SPAG16: variants seen among roughly 807,000 people sequenced by gnomAD.
SPAG16 encodes the protein sperm associated antigen 16.
SPAG16 carries 86 observed loss-of-function variants against 80.4 expected under a neutral mutation model. The ratio of observed to expected loss-of-function variants is 1.07; its 90% CI spans 0.90 to 1.28. The LOEUF (loss-of-function observed/expected upper bound fraction) is 1.28, where lower values mean the gene tolerates loss of function less well. Ranked by LOEUF, SPAG16 falls within the 50% of genes most tolerant of loss-of-function variation. The probability of loss-of-function intolerance (pLI) is 0.00; values close to 1 mark genes in which losing one functional copy is unlikely to be tolerated. For synonymous variants in SPAG16, 294 were observed against 265.9 expected (o/e 1.11, Z -1.03); for missense variants, 870 against 765.3 (o/e 1.14, Z -1.61).
intron 13 of SPAG16, among the ~76,000 whole-genome samples, chr2:214,023,526 T>C (rs577128467): frequency 6.6e-6 from 1 of 151,948 alleles, no homozygotes; most frequent in East Asian, 1.9e-4. Context: ...GGTTTTAAGT[T>C]ATTACAGACT....
At chr2:213,692,920 T>G (rs2065007189) in intron 10 of SPAG16, among the ~76,000 whole-genome samples, 2 of 152,202 alleles carry the variant, frequency 1.3e-5, no homozygotes, top group African/African-American at 4.8e-5. Flanking sequence ...AAAAATACAT[T>G]TTAAGAATGT....
intron 10 of SPAG16, among the ~76,000 whole-genome samples, chr2:213,778,057 T>G (rs2069713813): frequency 6.6e-6 from 1 of 152,152 alleles, no homozygotes; most frequent in African/African-American, 2.4e-5. Context: ...AAATACTGTA[T>G]GTATAAGCTG....
intron 2 of SPAG16, chr2:213,296,877 T>C (rs1388023191): frequency 2.4e-5 from 8 of 337,546 alleles, no homozygotes; most frequent in Non-Finnish European, 4.4e-5. Flanking sequence ...GTGAGTTTTA[T>C]TTTTTAATAA....
chr2:214,062,287 G>A (rs1185672966), intron 13 of SPAG16, among the ~76,000 whole-genome samples: 2 of 151,674 alleles, frequency 1.3e-5, no homozygotes, highest in Non-Finnish European at 2.9e-5. Flanking sequence ...AGGTGTGGTG[G>A]CACATGCCTT....
chr2:213,717,686 T>A (rs963553773), intron 10 of SPAG16, among the ~76,000 whole-genome samples: 2 of 152,122 alleles, frequency 1.3e-5, no homozygotes, highest in Non-Finnish European at 2.9e-5. Flanking sequence ...ATGTTAGACA[T>A]CTTACATCCA....
chr2:213,522,391 T>C (rs574714177), intron 10 of SPAG16, among the ~76,000 whole-genome samples: 1 of 152,320 alleles, frequency 6.6e-6, no homozygotes, highest in South Asian at 2.1e-4. Context: ...ACCTAATTTC[T>C]AGAGGCAATC....
rs995574713 is a variant in SPAG16, at chr2:213,828,161, C to T, written c.1071-34324C>T. Among the ~76,000 whole-genome samples, 79 of 152,038 alleles carry T rather than the reference C, an allele frequency of 5.2e-4. 1 individual carries two copies. The highest frequency in any genetic ancestry group is 1.8e-3 in the African/African-American group (74 of 41,486). On this transcript the variant is annotated intron_variant, in intron 10 of 15. Coordinates refer to ENST00000331683, the MANE Select transcript of SPAG16 (RefSeq NM_024532.5). ...TTTAAAGCCAGTGACTTAGATTTGC[C>T]CTTTTGAGCCTATTTTCTAGGTCTT...
intron 10 of SPAG16, chr2:213,758,272 T>G (rs1281438273): frequency 6.6e-6 from 1 of 152,622 alleles, no homozygotes; most frequent in Non-Finnish European, 1.5e-5. Context: ...GAGAATCTAA[T>G]TTTTAGAGTT....
At chr2:213,785,368 T>C (rs2070272242) in intron 10 of SPAG16, among the ~76,000 whole-genome samples, 1 of 152,212 alleles carries the variant, frequency 6.6e-6, no homozygotes, top group African/African-American at 2.4e-5. Flanking sequence ...AGGATGATCT[T>C]AAAACTTTGA....
chr2:213,368,747 C>T (rs2066466212), intron 8 of SPAG16, among the ~76,000 whole-genome samples: 2 of 152,114 alleles, frequency 1.3e-5, no homozygotes, highest in African/African-American at 4.8e-5. Context: ...GTGCAAAAAT[C>T]ACAAGTATTC....
chr2:213,689,024 A>G (rs1443159039), intron 10 of SPAG16, among the ~76,000 whole-genome samples: 1 of 152,026 alleles, frequency 6.6e-6, no homozygotes, highest in Non-Finnish European at 1.5e-5. Context: ...CAGTGGCTCG[A>G]TCTTGGCCCA....
At chr2:213,803,193 T>C (rs2071527190) in intron 10 of SPAG16, among the ~76,000 whole-genome samples, 2 of 152,204 alleles carry the variant, frequency 1.3e-5, no homozygotes, top group African/African-American at 2.4e-5. Flanking sequence ...TAGTCAATTA[T>C]AGACATGAGA....
chr2:213,616,080 A>G (rs2018907), intron 10 of SPAG16, among the ~76,000 whole-genome samples: 62,750 of 151,992 alleles, frequency 0.41, 13,556 homozygotes, highest in Middle Eastern at 0.51. Context: ...AAAGAAATTA[A>G]TCCATTTTAC....
chr2:213,717,064 T>C (rs2066266545), intron 10 of SPAG16, among the ~76,000 whole-genome samples: 1 of 152,162 alleles, frequency 6.6e-6, no homozygotes, highest in South Asian at 2.1e-4. Flanking sequence ...TAATTAATTG[T>C]TTCTGTAAGG....
intron 12 of SPAG16, among the ~76,000 whole-genome samples, chr2:213,984,574 A>G (rs2045917923): frequency 6.6e-6 from 1 of 152,116 alleles, no homozygotes; most frequent in Non-Finnish European, 1.5e-5. Context: ...GGACATGGGA[A>G]GCAGTCAGTG....
At chr2:213,958,193 G>A (rs985626664) in intron 12 of SPAG16, among the ~76,000 whole-genome samples, 9 of 152,138 alleles carry the variant, frequency 5.9e-5, no homozygotes, top group Non-Finnish European at 8.8e-5. Context: ...TTCCTGCAGG[G>A]AATTCTAACT....
chr2:213,407,593 ACAG>A (rs1416447298), intron 9 of SPAG16, among the ~76,000 whole-genome samples: 32 of 133,458 alleles, frequency 2.4e-4, no homozygotes, highest in African/African-American at 7.2e-4. Context: ...AGAGAGAGAG[ACAG>A]GAGAGAGAGA....
At chr2:213,596,893 G>T (rs1414051828) in intron 10 of SPAG16, among the ~76,000 whole-genome samples, 1 of 151,848 alleles carries the variant, frequency 6.6e-6, no homozygotes, top group African/African-American at 2.4e-5. Flanking sequence ...TTTCTTGCAA[G>T]GAGAAAATAT....
intron 10 of SPAG16, among the ~76,000 whole-genome samples, chr2:213,703,051 C>T (rs563862607): frequency 3.9e-4 from 59 of 152,330 alleles, no homozygotes; most frequent in African/African-American, 1.3e-3. Context: ...TGGAGGGTGT[C>T]ACTTCCTGGA....
Sources: gnomAD v4.1 joint callset for allele counts (sites outside exome capture counted in the v4.1 genomes callset) on GRCh38, gnomAD v4.1.1 for gene constraint, MANE v1.5 for transcripts, NCBI Gene and HGNC (gene_info 2026-07-23, HGNC 2026-07-21) for gene names.